The following GASK1B variants were observed in gnomAD, a reference collection of about 807,000 sequenced individuals.
The protein encoded by GASK1B is golgi associated kinase 1B.
A neutral mutation model predicts 42.8 loss-of-function variants in GASK1B; 34 were observed. The observed-to-expected ratio is 0.79, with a 90% CI of 0.60 to 1.06. GASK1B has a LOEUF of 1.06. Among genes scored for constraint, GASK1B ranks in the 50% least tolerant of loss-of-function variants. The pLI, the probability that GASK1B is intolerant of heterozygous loss-of-function variation, is 0.00. For missense variants in GASK1B, 686 were observed against 661.0 expected, an observed-to-expected ratio of 1.04 and a Z score of -0.42; for synonymous variants, 262 against 259.1, an observed-to-expected ratio of 1.01 and a Z score of -0.11.
At chr4:158,136,438 G>A (rs1560778094) in intron 3 of GASK1B, among the ~76,000 whole-genome samples, 1 of 152,162 alleles carries the variant, frequency 6.6e-6, no homozygotes, top group East Asian at 1.9e-4. Flanking sequence ...TGCAGAGCTG[G>A]AAGAAAGGTT....
At chr4:158,149,923 C>CTGTTTTTTTTTTTTT (rs1553959259) in intron 3 of GASK1B, among the ~76,000 whole-genome samples, 5 of 67,176 alleles carry the variant, frequency 7.4e-5, no homozygotes, top group African/African-American at 1.2e-4. Flanking sequence ...CTGCATGCTG[C>CTGTTTTTTTTTTTTT]TTTTTTTTTT....
Position 158,171,393 on chromosome 4 carries a change from A to C in GASK1B, c.-18T>G, listed in dbSNP as rs750681669. 2.0e-4 allele frequency: 308 copies of C among 1,538,670 alleles called. 1 individual carries two copies. The highest frequency in any genetic ancestry group is 5.3e-6 in the Non-Finnish European group (6 of 1,139,826). ...CAGGTCATTTCTCTGCCGCATCCAC[A>C]TGTTGAACGGAGTTTAAAGTCTGCA... On this transcript the variant is annotated 5_prime_UTR_variant, in exon 2 of 5. It removes an upstream start codon present in the reference 5' UTR. Coordinates refer to ENST00000585682, the MANE Select transcript of GASK1B (RefSeq NM_001128424.2).
intron 2 of GASK1B, among the ~76,000 whole-genome samples, chr4:158,158,740 T>A (rs984754118): frequency 3.9e-5 from 6 of 152,076 alleles, no homozygotes; most frequent in Non-Finnish European, 7.4e-5. Flanking sequence ...ATGGACAATA[T>A]ATAAACAAGT....
chr4:158,155,959 G>A, intron 2 of GASK1B, 134 bp from the exon 3 acceptor site: 2 of 686,624 alleles, frequency 2.9e-6, no homozygotes, highest in Non-Finnish European at 4.9e-6. Flanking sequence ...AATATTTTAT[G>A]ATCTCTTTGT....
At chr4:158,137,861 T>C (rs1730963355) in intron 3 of GASK1B, among the ~76,000 whole-genome samples, 1 of 152,182 alleles carries the variant, frequency 6.6e-6, no homozygotes. Context: ...TGAAGAGCAG[T>C]TGATGAATGA....
intron 3 of GASK1B, among the ~76,000 whole-genome samples, chr4:158,144,631 A>G (rs1265760719): frequency 5.9e-5 from 9 of 152,174 alleles, no homozygotes; most frequent in Non-Finnish European, 2.9e-5. Flanking sequence ...CTCAAAAACA[A>G]TAAAAAGCAG....
At chr4:158,127,713 T>A in intron 4 of GASK1B, 99 bp from the exon 5 acceptor site, 1 of 1,040,400 alleles carries the variant, frequency 9.6e-7, no homozygotes, top group Non-Finnish European at 1.4e-6. Flanking sequence ...TAAATCACAC[T>A]AACAAATGGT....
At chr4:158,140,634 A>ACC (rs1286402642) in intron 3 of GASK1B, among the ~76,000 whole-genome samples, 1 of 152,166 alleles carries the variant, frequency 6.6e-6, no homozygotes, top group Non-Finnish European at 1.5e-5. Context: ...GCTCGAGCAT[A>ACC]CCCATCAAGG....
chr4:158,138,779 CT>C (rs1220265110), intron 3 of GASK1B, among the ~76,000 whole-genome samples: 1 of 152,022 alleles, frequency 6.6e-6, no homozygotes, highest in Admixed American at 6.5e-5. Context: ...TTAACTTACA[CT>C]TTTTTACAAA....
chr4:158,129,342 A>C (rs983353029), intron 4 of GASK1B, among the ~76,000 whole-genome samples: 1 of 152,182 alleles, frequency 6.6e-6, no homozygotes. Flanking sequence ...ATGTCTTAGG[A>C]AAGTAAATTT....
chr4:158,147,437 C>T (rs1006787664), intron 3 of GASK1B, among the ~76,000 whole-genome samples: 1 of 151,906 alleles, frequency 6.6e-6, no homozygotes, highest in African/African-American at 2.4e-5. Context: ...GACTCCGTCT[C>T]TATTGAAAAT....
At chr4:158,144,328 T>C (rs899950360) in intron 3 of GASK1B, among the ~76,000 whole-genome samples, 4 of 152,206 alleles carry the variant, frequency 2.6e-5, no homozygotes, top group African/African-American at 9.6e-5. Flanking sequence ...AGTAACATCA[T>C]CAATACTGAA....
intron 2 of GASK1B, 98 bp from the exon 3 acceptor site, chr4:158,155,923 T>C: frequency 4.4e-6 from 4 of 918,158 alleles, no homozygotes; most frequent in Non-Finnish European, 6.7e-6. Flanking sequence ...CACGCTCACC[T>C]ATCAAATGTG....
At chr4:158,167,528 A>G (rs1272624110) in intron 2 of GASK1B, among the ~76,000 whole-genome samples, 1 of 152,158 alleles carries the variant, frequency 6.6e-6, no homozygotes. Context: ...GTATAGTTTT[A>G]CTGTTTAGAG....
At position 158,127,552 on chromosome 4, in the gene GASK1B, G is replaced by A; in HGVS notation, c.1415C>T (p.Ser472Phe). The change falls in exon 5 of 5, where the codon TCT (serine) becomes TTT (phenylalanine). Residue 472 changes from serine (S) to phenylalanine (F), a missense_variant. Transcript: ENST00000585682. ...CCAATACACTTTATCAAGAAACAGAGACTGAAGAAGTTTCTGCCGTAAGTG... is the reference window on the plus strand; with the variant it reads ...CCAATACACTTTATCAAGAAACAGAAACTGAAGAAGTTTCTGCCGTAAGTG... ...SQHLRQKLLQ[S>F]LFLDKVYWES... 6.2e-7 allele frequency: 1 copy of A among 1,613,626 alleles called. No homozygotes were observed. The highest frequency in any genetic ancestry group is 8.5e-7 in the Non-Finnish European group (1 of 1,179,752).
chr4:158,128,003 G>C (rs1730527902), intron 4 of GASK1B, among the ~76,000 whole-genome samples: 1 of 152,084 alleles, frequency 6.6e-6, no homozygotes, highest in African/African-American at 2.4e-5. Flanking sequence ...GTGTCAAGGT[G>C]GGATTTTATG....
At chr4:158,127,831 G>C (rs1730521003) in intron 4 of GASK1B, among the ~76,000 whole-genome samples, 1 of 152,088 alleles carries the variant, frequency 6.6e-6, no homozygotes, top group African/African-American at 2.4e-5. Context: ...ACACCATTCA[G>C]AACATGACAG....
chr4:158,139,701 T>A (rs1440979814), intron 3 of GASK1B, among the ~76,000 whole-genome samples: 1 of 152,164 alleles, frequency 6.6e-6, no homozygotes, highest in Non-Finnish European at 1.5e-5. Flanking sequence ...ATAAAAATAA[T>A]CTATCATATG....
intron 2 of GASK1B, among the ~76,000 whole-genome samples, chr4:158,157,226 T>C (rs926539475): frequency 1.3e-5 from 2 of 152,132 alleles, no homozygotes; most frequent in Non-Finnish European, 2.9e-5. Context: ...GGAAAGTCTA[T>C]TGGATTATGG....
Sources: allele counts gnomAD v4.1 joint callset (sites outside exome capture counted in the v4.1 genomes callset), GRCh38; gene constraint gnomAD v4.1.1; transcripts MANE v1.5; gene names NCBI Gene and HGNC (gene_info 2026-07-23, HGNC 2026-07-21).